The following DLG2 variants were observed in gnomAD, a reference collection of about 807,000 sequenced individuals.
DLG2 encodes disks large homolog 2.
A neutral mutation model predicts 132.5 loss-of-function variants in DLG2; 45 were observed. The ratio of observed to expected loss-of-function variants is 0.34; its 90% CI spans 0.27 to 0.44. DLG2 has a LOEUF of 0.44. DLG2 is among the 20% of genes least tolerant of loss of function. The pLI is 1.00. For missense variants in DLG2, 1,045 were observed against 1,196.9 expected (o/e 0.87, Z 1.87); for synonymous variants, 424 against 419.6 (o/e 1.01, Z -0.13).
At chr11:84,787,737 A>G (rs1446075969) in intron 6 of DLG2, among the ~76,000 whole-genome samples, 1 of 152,108 alleles carries the variant, frequency 6.6e-6, no homozygotes, top group African/African-American at 2.4e-5. Context: ...GGCCCTCACC[A>G]CTGGAAGATA....
At chr11:83,571,099 C>G (rs2096788334) in intron 19 of DLG2, among the ~76,000 whole-genome samples, 1 of 152,136 alleles carries the variant, frequency 6.6e-6, no homozygotes, top group South Asian at 2.1e-4. Flanking sequence ...TCAGGGTGGT[C>G]TTGAACTCCT....
At chr11:85,395,856 G>A (rs1267596253) in intron 3 of DLG2, among the ~76,000 whole-genome samples, 1 of 152,224 alleles carries the variant, frequency 6.6e-6, no homozygotes, top group Non-Finnish European at 1.5e-5. Context: ...ACAAAAGGCA[G>A]CAGACAGCTT....
chr11:85,414,536 A>G (rs1317222642), intron 3 of DLG2, among the ~76,000 whole-genome samples: 1 of 151,914 alleles, frequency 6.6e-6, no homozygotes, highest in Non-Finnish European at 1.5e-5. Flanking sequence ...TCTTGGAGAA[A>G]GTTTCATGCG....
At position 84,957,745 on chromosome 11, in the gene DLG2, G is replaced by A. The variant is rs552078787; in HGVS notation, c.357+153916C>T. Among the ~76,000 whole-genome samples, 4 of 152,302 alleles carry A rather than the reference G, an allele frequency of 2.6e-5. No homozygotes were observed. The South Asian group carries it at 6.2e-4, about 24-fold the overall frequency. ...GTTCTCTACCTCAGTGAGTGAATGTGTATATTTTTCAAAAAAAGAGAGCAA... is the reference window on the plus strand; with the variant it reads ...GTTCTCTACCTCAGTGAGTGAATGTATATATTTTTCAAAAAAAGAGAGCAA... On this transcript the variant is annotated intron_variant, in intron 6 of 27. Transcript: ENST00000376104.
At chr11:83,753,567 C>T (rs1005031199) in intron 18 of DLG2, among the ~76,000 whole-genome samples, 1 of 149,956 alleles carries the variant, frequency 6.7e-6, no homozygotes, top group African/African-American at 2.4e-5. Flanking sequence ...AAAATTCATA[C>T]TCAAGTAAAA....
At chr11:83,811,963 T>C (rs183883914) in intron 17 of DLG2, among the ~76,000 whole-genome samples, 206 of 152,206 alleles carry the variant, frequency 1.4e-3, no homozygotes, top group Non-Finnish European at 7.8e-4. Context: ...GGGAGAAGTG[T>C]TTAAAGTGTT....
chr11:85,026,718 T>G (rs959079142), intron 6 of DLG2, among the ~76,000 whole-genome samples: 1 of 151,940 alleles, frequency 6.6e-6, no homozygotes, highest in Non-Finnish European at 1.5e-5. Context: ...GCGCCTGTAG[T>G]CCCAGCTACT....
At chr11:85,303,240 G>A (rs1320559511) in intron 3 of DLG2, among the ~76,000 whole-genome samples, 1 of 152,178 alleles carries the variant, frequency 6.6e-6, no homozygotes, top group African/African-American at 2.4e-5. Context: ...TGTATGCTCA[G>A]GCTTGGTTTT....
At chr11:84,959,847 A>C (rs1041939050) in intron 6 of DLG2, among the ~76,000 whole-genome samples, 1 of 152,168 alleles carries the variant, frequency 6.6e-6, no homozygotes, top group Non-Finnish European at 1.5e-5. Flanking sequence ...GCGTGGGAGA[A>C]CTACAGGACA....
intron 10 of DLG2, among the ~76,000 whole-genome samples, chr11:84,065,161 A>G (rs995027566): frequency 3.3e-5 from 5 of 152,226 alleles, no homozygotes; most frequent in Admixed American, 2.6e-4. Flanking sequence ...AGGACCTGGC[A>G]AAGATTTCAT....
At chr11:83,522,490 C>T (rs767725900) in intron 21 of DLG2, among the ~76,000 whole-genome samples, 1 of 151,128 alleles carries the variant, frequency 6.6e-6, no homozygotes, top group Non-Finnish European at 1.5e-5. Context: ...CCTCTAAAGG[C>T]AACAATAAAT....
intron 7 of DLG2, among the ~76,000 whole-genome samples, chr11:84,479,405 C>T (rs1448677531): frequency 2.0e-5 from 3 of 152,052 alleles, no homozygotes; most frequent in African/African-American, 4.8e-5. Context: ...TTTATTCCAT[C>T]TTACTCTTGT....
intron 6 of DLG2, among the ~76,000 whole-genome samples, chr11:85,096,562 C>G (rs1594108563): frequency 1.3e-5 from 2 of 152,056 alleles, no homozygotes; most frequent in Admixed American, 1.3e-4. Flanking sequence ...AGAGCTGTAA[C>G]ACTCACCGCA....
At position 84,453,975 on chromosome 11, in the gene DLG2, C is replaced by A. The variant is rs1313266183; in HGVS notation, c.519+80595G>T. On this transcript the variant is annotated intron_variant, in intron 7 of 27. Transcript: ENST00000376104. The stretch of plus-strand genomic sequence containing the variant: ...TCTTTGGTATTTGGTGCAGTCTTTG[C>A]AAAATTCTATTCTGCCACAGAGGAG... Among the ~76,000 whole-genome samples the A allele has an allele frequency of 2.6e-5, 4 of 151,502 alleles. No homozygotes were observed. In the South Asian group the frequency reaches 6.2e-4, roughly 24 times the overall value.
At chr11:84,835,213 A>G (rs1219418460) in intron 6 of DLG2, among the ~76,000 whole-genome samples, 2 of 151,668 alleles carry the variant, frequency 1.3e-5, no homozygotes, top group Non-Finnish European at 3.0e-5. Context: ...GGGCAGGGAT[A>G]CTTTTGTTTT....
At chr11:85,223,124 CA>C (rs2074761066) in intron 4 of DLG2, among the ~76,000 whole-genome samples, 1 of 152,142 alleles carries the variant, frequency 6.6e-6, no homozygotes, top group African/African-American at 2.4e-5. Flanking sequence ...ATTTTAATAA[CA>C]AATCGGAATT....
At chr11:84,275,172 T>C (rs1219512638) in intron 7 of DLG2, among the ~76,000 whole-genome samples, 1 of 152,230 alleles carries the variant, frequency 6.6e-6, no homozygotes, top group Non-Finnish European at 1.5e-5. Flanking sequence ...ATCAGGTTCC[T>C]TTATTCTTTC....
intron 3 of DLG2, among the ~76,000 whole-genome samples, chr11:85,520,644 G>C (rs928735575): frequency 6.6e-5 from 10 of 151,306 alleles, no homozygotes; most frequent in African/African-American, 2.2e-4. Context: ...AAACAGCATG[G>C]TATTGGCATA....
At chr11:85,370,565 TA>T (rs1039421294) in intron 3 of DLG2, among the ~76,000 whole-genome samples, 43 of 152,246 alleles carry the variant, frequency 2.8e-4, no homozygotes, top group Admixed American at 8.5e-4. Flanking sequence ...TAAGTGGTTA[TA>T]AAAGGTTTTT....
Sources: allele counts gnomAD v4.1 joint callset (sites outside exome capture counted in the v4.1 genomes callset), GRCh38; gene constraint gnomAD v4.1.1; transcripts MANE v1.5; gene names NCBI Gene and HGNC (gene_info 2026-07-23, HGNC 2026-07-21).